RIMS1: variants seen among roughly 807,000 people sequenced by gnomAD.
RIMS1 encodes regulating synaptic membrane exocytosis 1, also known as regulating synaptic membrane exocytosis protein 1.
Under a neutral mutation model 214.1 loss-of-function variants are expected in RIMS1, and 83 were observed. The ratio of observed to expected loss-of-function variants is 0.39; its 90% confidence interval spans 0.32 to 0.47. The LOEUF is 0.47. Among genes scored for constraint, RIMS1 ranks in the 20% least tolerant of loss-of-function variants. The probability of loss-of-function intolerance (pLI) is 0.99; values close to 1 mark genes in which losing one functional copy is unlikely to be tolerated. For synonymous variants in RIMS1, 793 were observed against 786.8 expected (o/e 1.01, Z -0.13); for missense variants, 2,050 against 2,161.8 (o/e 0.95, Z 1.03).
At chr6:72,099,944 C>T (rs2033121001) in intron 3 of RIMS1, 31 bp from the exon 4 acceptor site, 6 of 1,591,838 alleles carry the variant, frequency 3.8e-6, no homozygotes, top group Non-Finnish European at 5.2e-6. Context: ...TCTTCTTTCT[C>T]TACTCTGCTT....
chr6:71,921,427 T>A (rs1310707834), intron 1 of RIMS1, among the ~76,000 whole-genome samples: 1 of 152,212 alleles, frequency 6.6e-6, no homozygotes, highest in Non-Finnish European at 1.5e-5. Flanking sequence ...AAGCCATTAT[T>A]TAGCTACTTT....
chr6:72,391,276 T>TCTGA (rs1481480698), intron 30 of RIMS1, among the ~76,000 whole-genome samples: 2 of 152,120 alleles, frequency 1.3e-5, no homozygotes, highest in African/African-American at 4.8e-5. Context: ...TCATTATTTT[T>TCTGA]CTGACTAAAA....
At chr6:72,348,818 T>C (rs941343685) in intron 29 of RIMS1, among the ~76,000 whole-genome samples, 4 of 151,962 alleles carry the variant, frequency 2.6e-5, no homozygotes, top group African/African-American at 9.7e-5. Context: ...AAGTAATATT[T>C]TATTAGAAAA....
At chr6:72,201,959 C>A (rs774097171) in intron 6 of RIMS1, among the ~76,000 whole-genome samples, 1 of 152,170 alleles carries the variant, frequency 6.6e-6, no homozygotes, top group Non-Finnish European at 1.5e-5. Context: ...TATTGGAAAT[C>A]CAGATACTAC....
intron 22 of RIMS1, among the ~76,000 whole-genome samples, chr6:72,272,976 T>A (rs1194584933): frequency 2.0e-5 from 3 of 152,212 alleles, no homozygotes; most frequent in Non-Finnish European, 4.4e-5. Flanking sequence ...TAATGCAAAA[T>A]GTTATTTCAT....
chr6:72,087,840 T>C (rs1270989195), intron 2 of RIMS1, among the ~76,000 whole-genome samples: 4 of 152,220 alleles, frequency 2.6e-5, no homozygotes, highest in Non-Finnish European at 5.9e-5. Context: ...TGCTCTTCTC[T>C]GCAGCTGATC....
At chr6:71,941,872 A>G (rs931179346) in intron 1 of RIMS1, among the ~76,000 whole-genome samples, 3 of 152,204 alleles carry the variant, frequency 2.0e-5, no homozygotes, top group African/African-American at 7.2e-5. Flanking sequence ...GTCCAGGACC[A>G]TACAGGAAAT....
chr6:72,033,614 T>A (rs537212777), intron 2 of RIMS1, among the ~76,000 whole-genome samples: 1 of 152,154 alleles, frequency 6.6e-6, no homozygotes, highest in African/African-American at 2.4e-5. Flanking sequence ...CCCGAGTAGC[T>A]GGAATTACAG....
At chr6:72,216,777 CACA>C in intron 6 of RIMS1, 2 of 988,442 alleles carry the variant, frequency 2.0e-6, no homozygotes, top group Non-Finnish European at 2.4e-6. Context: ...CTTTAAGGAC[CACA>C]ACGTTTCATC....
intron 2 of RIMS1, among the ~76,000 whole-genome samples, chr6:72,052,686 T>C (rs897172849): frequency 3.9e-5 from 6 of 152,194 alleles, no homozygotes; most frequent in Non-Finnish European, 7.3e-5. Context: ...TAATATGAGA[T>C]TTACTGAGGT....
intron 4 of RIMS1, among the ~76,000 whole-genome samples, chr6:72,112,768 AT>A (rs2036363903): frequency 6.6e-6 from 1 of 151,990 alleles, no homozygotes; most frequent in Non-Finnish European, 1.5e-5. Context: ...ACCATGTTTG[AT>A]TTTTCTCCAC....
chr6:72,351,661 A>G lies in RIMS1; in HGVS notation c.4366+17826A>G, dbSNP rs148158665. On this transcript the variant is annotated intron_variant, in intron 29 of 33. Coordinates refer to ENST00000521978, the MANE Select transcript of RIMS1 (RefSeq NM_014989.7). ...ATAATTAGAATTTTAGTCTGTGCCT[A>G]TAGCCTCAGTCCTTAACCACTACAC... 2.8e-3 allele frequency among the ~76,000 whole-genome samples: 429 copies of G among 152,282 alleles called. 4 individuals carry two copies. The highest frequency in any genetic ancestry group is 9.8e-3 in the African/African-American group (408 of 41,566).
rs76614286 is a variant in RIMS1 at position 72,319,413 on chromosome 6, G to A, written c.4130+5741G>A. On this transcript the variant is annotated intron_variant, in intron 28 of 33. Transcript: ENST00000521978. The stretch of plus-strand genomic sequence containing the variant: ...CTGAGAAAGAGATTCTGAAGTCTCA[G>A]AGGATATTGAATATAAGGGAGAAGA... Among the ~76,000 whole-genome samples, 783 of 152,296 alleles carry A rather than the reference G, an allele frequency of 5.1e-3. 5 individuals carry two copies. The highest frequency in any genetic ancestry group is 0.017 in the African/African-American group (721 of 41,566).
rs1180271680 is a variant in RIMS1 at position 72,328,295 on chromosome 6, AG to A, written c.4131-5300del. Reference sequence around the variant, plus strand: ...GGAATATCACACACCAAGGCCTGTCAGGGGGTAGGGGGCTATGGGAGGGATA... The same window carrying A: ...GGAATATCACACACCAAGGCCTGTCAGGGGTAGGGGGCTATGGGAGGGATA... On this transcript the variant is annotated intron_variant, in intron 28 of 33. Transcript: ENST00000521978. 2.6e-5 allele frequency among the ~76,000 whole-genome samples: 4 copies of A among 151,724 alleles called. No individual in the cohort carries two copies. The South Asian group carries it at 8.3e-4, about 31-fold the overall frequency.
chr6:72,121,663 G>A (rs1482297405), intron 4 of RIMS1, among the ~76,000 whole-genome samples: 2 of 151,768 alleles, frequency 1.3e-5, no homozygotes, highest in Non-Finnish European at 2.9e-5. Context: ...TTGTCTGATT[G>A]CCCTGGTCAG....
intron 2 of RIMS1, among the ~76,000 whole-genome samples, chr6:72,028,550 A>T (rs1276354393): frequency 6.6e-6 from 1 of 152,166 alleles, no homozygotes; most frequent in Non-Finnish European, 1.5e-5. Context: ...TTTCAACATG[A>T]TGGAAAATGA....
chr6:72,308,599 G>A (rs537908100), intron 27 of RIMS1, among the ~76,000 whole-genome samples: 1 of 152,190 alleles, frequency 6.6e-6, no homozygotes, highest in Admixed American at 6.5e-5. Context: ...AAAAAGAGGT[G>A]GCTACAAAAT....
chr6:72,151,209 A>C (rs1272006587), intron 4 of RIMS1, among the ~76,000 whole-genome samples: 2 of 151,824 alleles, frequency 1.3e-5, no homozygotes, highest in Non-Finnish European at 1.5e-5. Flanking sequence ...TGCCTGGCTA[A>C]TTTTTTGTAT....
rs1234419220 is a variant in RIMS1 at position 72,160,070 on chromosome 6, C to A, written c.472-19505C>A. ...TTGTATCCTCTTTTATTTCATTGAG[C>A]AGTGGTTTGTAGTTCTTCTTGAAGA... On this transcript the variant is annotated intron_variant, in intron 4 of 33. Transcript: ENST00000521978. Among the ~76,000 whole-genome samples the A allele has an allele frequency of 9.6e-4, 91 of 95,252 alleles. 15 individuals carry two copies. The highest frequency in any genetic ancestry group is 1.9e-3 in the Non-Finnish European group (79 of 42,324). 62.5% of individuals were successfully genotyped at this position (95,252 alleles called of 152,430 possible). A position where few individuals can be genotyped will look rare whatever the true frequency, so the allele number is the denominator to read the frequency against.
Sources: gnomAD v4.1 joint callset for allele counts (sites outside exome capture counted in the v4.1 genomes callset) on GRCh38, gnomAD v4.1.1 for gene constraint, MANE v1.5 for transcripts, NCBI Gene and HGNC (gene_info 2026-07-23, HGNC 2026-07-21) for gene names.